GPRIN3: variants seen among roughly 807,000 people sequenced by gnomAD.
GPRIN3 encodes G protein-regulated inducer of neurite outgrowth 3.
GPRIN3 carries 12 observed loss-of-function variants against 13.7 expected under a neutral mutation model. The observed-to-expected ratio is 0.87, with a 90% CI of 0.56 to 1.42. The LOEUF (loss-of-function observed/expected upper bound fraction) is 1.42. Among genes scored for constraint, GPRIN3 ranks in the 40% most tolerant of loss-of-function variants. The pLI is 0.00. For synonymous variants in GPRIN3, 377 were observed against 372.7 expected, an observed-to-expected ratio of 1.01 and a Z score of -0.13; for missense variants, 1,009 against 958.7, an observed-to-expected ratio of 1.05 and a Z score of -0.69.
intron 1 of GPRIN3, among the ~76,000 whole-genome samples, chr4:89,306,050 C>A (rs183173383): frequency 6.6e-6 from 1 of 152,150 alleles, no homozygotes; most frequent in African/African-American, 2.4e-5. Context: ...CCTGCAATTG[C>A]AATTGCTGTT....
At chr4:89,266,919 T>C (rs1436777819) in intron 1 of GPRIN3, among the ~76,000 whole-genome samples, 4 of 152,220 alleles carry the variant, frequency 2.6e-5, no homozygotes, top group Non-Finnish European at 5.9e-5. Flanking sequence ...TTTACTAATT[T>C]TTGATATATC....
At position 89,248,106 on chromosome 4, in the gene GPRIN3, C is replaced by A. The variant is rs140505056; in HGVS notation, c.2005G>T (p.Ala669Ser). 2.0e-4 allele frequency: 323 copies of A among 1,614,022 alleles called. No individual in the cohort carries two copies. Among genetic ancestry groups the A allele is most frequent in the Non-Finnish European group, 2.5e-4 (291 of 1,180,018 alleles). The part of the protein sequence containing the change: ...TPGDKKKQLG[A>S]DSKLQLKQSK... ...TGTTTCAGCTGGAGCTTGGAGTCTG[C>A]GCCAAGCTGCTTTTTCTTATCTCCT... The change falls in exon 2 of 2, where the codon GCA becomes TCA. Residue 669 changes from alanine to serine, a missense_variant. Ala to Ser is a moderately conservative substitution (Grantham distance 99, BLOSUM62 1). Coordinates refer to ENST00000609438, the MANE Select transcript of GPRIN3 (RefSeq NM_198281.3).
In GPRIN3 at chr4:89,246,676, G is replaced by T. The variant is rs1723110371; in HGVS notation, c.*1104C>A. On this transcript the variant is annotated 3_prime_UTR_variant, in exon 2 of 2. Coordinates refer to ENST00000609438, the MANE Select transcript of GPRIN3 (RefSeq NM_198281.3). Reference sequence around the variant, plus strand: ...TGATAGTAGTCTATGTACAAAAATTGTAAGGAAGCTCACATTCTAATTTGG... The same window carrying T: ...TGATAGTAGTCTATGTACAAAAATTTTAAGGAAGCTCACATTCTAATTTGG... The T allele has an allele frequency of 1.3e-5, 2 of 152,140 alleles. No homozygotes were observed. Among genetic ancestry groups the T allele is most frequent in the South Asian group, 4.1e-4 (2 of 4,830 alleles). 9.4% of individuals were successfully genotyped at this position (152,140 alleles called of 1,614,324 possible).
Position 89,307,711 on chromosome 4 carries a change from C to T in GPRIN3, c.-220G>A, listed in dbSNP as rs1235729875. ...CCAAGCACCGTCTCTCGGCGCCACA[C>T]CGATGGCTCCGGCGGGCCCGCGAGC... On this transcript the variant is annotated 5_prime_UTR_variant, in exon 1 of 2. It adds an upstream start codon to the 5' untranslated region. Coordinates refer to ENST00000609438, the MANE Select transcript of GPRIN3 (RefSeq NM_198281.3). The T allele has an allele frequency of 6.6e-6, 1 of 152,238 alleles. No homozygotes were observed. Among genetic ancestry groups the T allele is most frequent in the Non-Finnish European group, 1.5e-5 (1 of 68,070 alleles). 9.4% of individuals were successfully genotyped at this position (152,238 alleles called of 1,614,324 possible).
Position 89,241,295 on chromosome 4 carries a change from T to G in GPRIN3, c.*6485A>C, listed in dbSNP as rs1722939130. 6.6e-6 allele frequency: 1 copy of G among 152,204 alleles called. No individual in the cohort carries two copies. Among genetic ancestry groups the G allele is most frequent in the African/African-American group, 2.4e-5 (1 of 41,458 alleles). 9.4% of individuals were successfully genotyped at this position (152,204 alleles called of 1,614,324 possible). ...ACTGAATACATGTGCACACTTTTGT[T>G]GGCTTTATTCATGTATGTACATATG... is the stretch of plus-strand genomic sequence containing the variant. On this transcript the variant is annotated 3_prime_UTR_variant, in exon 2 of 2. Coordinates refer to ENST00000609438, the MANE Select transcript of GPRIN3 (RefSeq NM_198281.3).
At position 89,248,096 on chromosome 4, in the gene GPRIN3, T is replaced by C. The variant is rs2149252645; in HGVS notation, c.2015A>G (p.Lys672Arg). The change falls in exon 2 of 2, where the codon AAG becomes AGG. Residue 672 changes from lysine (K) to arginine (R), a missense_variant. Physicochemically the swap from Lys to Arg is conservative, Grantham distance 26. Transcript: ENST00000609438. ...DKKKQLGADSKLQLKQSKRVR... is the reference protein window; with the variant it reads ...DKKKQLGADSRLQLKQSKRVR... The stretch of plus-strand genomic sequence containing the variant: ...ACGCTTGGACTGTTTCAGCTGGAGC[T>C]TGGAGTCTGCGCCAAGCTGCTTTTT... 6.2e-7 allele frequency: 1 copy of C among 1,614,166 alleles called. No homozygotes were observed. The highest frequency in any genetic ancestry group is 2.2e-5 in the East Asian group (1 of 44,864).
chr4:89,258,312 G>A (rs1723535970), intron 1 of GPRIN3, among the ~76,000 whole-genome samples: 1 of 151,758 alleles, frequency 6.6e-6, no homozygotes, highest in Non-Finnish European at 1.5e-5. Context: ...CACCTCCTGG[G>A]TTCAAGCAAT....
At chr4:89,250,312 A>C (rs1561185357) in intron 1 of GPRIN3, 79 bp from the exon 2 acceptor site, 2 of 1,067,298 alleles carry the variant, frequency 1.9e-6, no homozygotes. Context: ...TCGTTTTTAT[A>C]AGAGCACATT....
chr4:89,267,919 G>A (rs1284865495), intron 1 of GPRIN3, among the ~76,000 whole-genome samples: 1 of 152,158 alleles, frequency 6.6e-6, no homozygotes, highest in South Asian at 2.1e-4. Flanking sequence ...GGTATCATCA[G>A]AAACATTTAT....
At chr4:89,303,750 C>T (rs1166634685) in intron 1 of GPRIN3, among the ~76,000 whole-genome samples, 2 of 148,760 alleles carry the variant, frequency 1.3e-5, no homozygotes, top group Non-Finnish European at 3.0e-5. Flanking sequence ...TACATGTATA[C>T]CATTATATAT....
chr4:89,275,509 A>G (rs1724068212), intron 1 of GPRIN3, among the ~76,000 whole-genome samples: 1 of 152,190 alleles, frequency 6.6e-6, no homozygotes, highest in South Asian at 2.1e-4. Flanking sequence ...ACATACATAA[A>G]AGACAAAAGG....
intron 1 of GPRIN3, among the ~76,000 whole-genome samples, chr4:89,269,389 A>T (rs1025502583): frequency 6.6e-6 from 1 of 152,106 alleles, no homozygotes; most frequent in Non-Finnish European, 1.5e-5. Context: ...CTTTCAGGGC[A>T]TCTTTTCAGA....
At chr4:89,255,032 C>T (rs1324715689) in intron 1 of GPRIN3, among the ~76,000 whole-genome samples, 8 of 152,188 alleles carry the variant, frequency 5.3e-5, no homozygotes, top group Admixed American at 1.3e-4. Context: ...CACTTGTTAA[C>T]ATTACTTACC....
At chr4:89,276,240 A>T (rs1205121330) in intron 1 of GPRIN3, among the ~76,000 whole-genome samples, 1 of 152,140 alleles carries the variant, frequency 6.6e-6, no homozygotes, top group African/African-American at 2.4e-5. Flanking sequence ...ATTTTATATA[A>T]TTTTTACTTC....
intron 1 of GPRIN3, among the ~76,000 whole-genome samples, chr4:89,306,327 A>G (rs375044860): frequency 7.9e-5 from 12 of 152,312 alleles, no homozygotes; most frequent in African/African-American, 2.6e-4. Context: ...CGGGCGAAGT[A>G]CACTCAAAGC....
chr4:89,276,493 C>T lies in GPRIN3; in HGVS notation c.-123-26260G>A, dbSNP rs79783582. 5.0e-3 allele frequency among the ~76,000 whole-genome samples: 763 copies of T among 152,282 alleles called. 6 individuals are homozygous for T. Among genetic ancestry groups the T allele is most frequent in the African/African-American group, 0.017 (715 of 41,558 alleles). ...GTGCAGAGAGACTAGTTGAAAAAGA[C>T]ACCATCAGCAATTTCTTTTGAAAAA... On this transcript the variant is annotated intron_variant, in intron 1 of 1. Coordinates refer to ENST00000609438, the MANE Select transcript of GPRIN3 (RefSeq NM_198281.3).
chr4:89,290,732 T>C (rs908879005), intron 1 of GPRIN3, among the ~76,000 whole-genome samples: 14 of 152,198 alleles, frequency 9.2e-5, no homozygotes, highest in African/African-American at 3.1e-4. Flanking sequence ...GCTCCCTATT[T>C]AGTCCTCACA....
In GPRIN3 at chr4:89,249,142, C is replaced by A; in HGVS notation, c.969G>T (p.Gln323His). The A allele has an allele frequency of 6.2e-7, 1 of 1,614,200 alleles. No individual in the cohort carries two copies. ...ATCTGCTCTCGACACTCGCCACTGC[C>A]TGCACCTCCGCATCTTGCCAAGCCC... ...PSRAWQDAEVQAVASVESRSV... is the reference protein window; with the variant it reads ...PSRAWQDAEVHAVASVESRSV... The change falls in exon 2 of 2, where the codon CAG becomes CAT. Residue 323 changes from glutamine (Q) to histidine (H), a missense_variant. Gln to His is a conservative substitution (Grantham distance 24). Coordinates refer to ENST00000609438, the MANE Select transcript of GPRIN3 (RefSeq NM_198281.3).
intron 1 of GPRIN3, among the ~76,000 whole-genome samples, chr4:89,260,941 C>T (rs191014736): frequency 6.6e-6 from 1 of 152,116 alleles, no homozygotes; most frequent in South Asian, 2.1e-4. Flanking sequence ...AAATAAGACA[C>T]ACTTATGTCT....
Sources: allele counts gnomAD v4.1 joint callset (sites outside exome capture counted in the v4.1 genomes callset), GRCh38; gene constraint gnomAD v4.1.1; transcripts MANE v1.5; gene names NCBI Gene and HGNC (gene_info 2026-07-23, HGNC 2026-07-21).